GALNT13: variants seen among roughly 807,000 people sequenced by gnomAD.
GALNT13 encodes the protein UDP-GalNAc:polypeptide N-acetylgalactosaminyltransferase 13.
In GALNT13, 28 loss-of-function variants were observed where a neutral mutation model predicts 64.2. The observed-to-expected ratio is 0.44, with a 90% CI of 0.32 to 0.60. The LOEUF is 0.60. GALNT13 is among the 20% of genes least tolerant of loss of function. The pLI, the probability that GALNT13 is intolerant of heterozygous loss-of-function variation, is 0.05. For synonymous variants in GALNT13, 214 were observed against 224.6 expected (o/e 0.95, Z 0.42); for missense variants, 577 against 669.8 (o/e 0.86, Z 1.53).
chr2:153,804,369 G>A, the GALNT13 span, among the ~76,000 whole-genome samples: 1 of 152,098 alleles, frequency 6.6e-6, no homozygotes, highest in Non-Finnish European at 1.5e-5. Flanking sequence ...TAGAGATGGA[G>A]TCTCACTAGG....
chr2:154,055,792 G>A (rs1317489874), intron 3 of GALNT13, among the ~76,000 whole-genome samples: 1 of 152,068 alleles, frequency 6.6e-6, no homozygotes, highest in Non-Finnish European at 1.5e-5. Context: ...ATTCTCATTA[G>A]AAATATTGCA....
At chr2:154,225,583 G>A (rs546458468) in intron 4 of GALNT13, among the ~76,000 whole-genome samples, 54 of 152,190 alleles carry the variant, frequency 3.5e-4, no homozygotes, top group African/African-American at 1.2e-3. Context: ...AATAGATGAC[G>A]TAGGTACAGG....
At chr2:153,289,682 A>G in the GALNT13 span, among the ~76,000 whole-genome samples, 653 of 152,290 alleles carry the variant, frequency 4.3e-3, 4 homozygotes, top group Middle Eastern at 0.014. Flanking sequence ...AATCATTTGA[A>G]ATACAGACTA....
the GALNT13 span, among the ~76,000 whole-genome samples, chr2:153,463,807 T>C: frequency 4.5e-4 from 69 of 152,174 alleles, 1 homozygote; most frequent in Admixed American, 4.2e-3. Context: ...GAGCATGCGC[T>C]GTAATAGTTG....
upstream of GALNT13, among the ~76,000 whole-genome samples, chr2:153,867,928 C>T (rs1165449744): frequency 1.3e-5 from 2 of 152,126 alleles, no homozygotes; most frequent in African/African-American, 4.8e-5. Context: ...ACTGGCTCAC[C>T]CATCCCTCAT....
At chr2:153,343,159 T>C in the GALNT13 span, among the ~76,000 whole-genome samples, 2 of 152,190 alleles carry the variant, frequency 1.3e-5, no homozygotes, top group Non-Finnish European at 2.9e-5. Context: ...AGTTGCCTGC[T>C]GGTGCACCAT....
At chr2:153,250,275 T>C in the GALNT13 span, among the ~76,000 whole-genome samples, 2 of 151,992 alleles carry the variant, frequency 1.3e-5, no homozygotes, top group African/African-American at 4.8e-5. Flanking sequence ...CAACAAAATA[T>C]GGAAAAAAGC....
chr2:154,192,321 T>G (rs1276453238), intron 4 of GALNT13, among the ~76,000 whole-genome samples: 1 of 152,058 alleles, frequency 6.6e-6, no homozygotes, highest in Admixed American at 6.5e-5. Context: ...GGGTGAGAAA[T>G]CCAACATCTG....
chr2:154,319,147 G>T (rs1402719376), intron 9 of GALNT13, among the ~76,000 whole-genome samples: 2 of 152,156 alleles, frequency 1.3e-5, no homozygotes, highest in African/African-American at 4.8e-5. Context: ...AAACTTATCT[G>T]TGTAAAGTAT....
intron 3 of GALNT13, among the ~76,000 whole-genome samples, chr2:154,091,713 G>A (rs1460811851): frequency 6.6e-6 from 1 of 151,772 alleles, no homozygotes; most frequent in East Asian, 1.9e-4. Flanking sequence ...AAAAATGTTA[G>A]TAAACTGCTT....
At chr2:154,241,274 A>G (rs1311015856) in intron 4 of GALNT13, among the ~76,000 whole-genome samples, 1 of 152,126 alleles carries the variant, frequency 6.6e-6, no homozygotes, top group African/African-American at 2.4e-5. Context: ...GTCCTCACCC[A>G]GGGTCTGTAG....
At chr2:153,899,390 T>C (rs1002639157) in intron 1 of GALNT13, among the ~76,000 whole-genome samples, 3 of 152,216 alleles carry the variant, frequency 2.0e-5, no homozygotes, top group Admixed American at 6.6e-5. Flanking sequence ...TATAACTTTA[T>C]AATTGTATTG....
chr2:153,134,716 C>T, the GALNT13 span, among the ~76,000 whole-genome samples: 1 of 152,112 alleles, frequency 6.6e-6, no homozygotes, highest in East Asian at 1.9e-4. Flanking sequence ...CTTCAATATT[C>T]CCTCCAGGGA....
chr2:154,136,866 T>TA (rs1574575138), intron 3 of GALNT13, among the ~76,000 whole-genome samples: 1 of 152,124 alleles, frequency 6.6e-6, no homozygotes, highest in East Asian at 1.9e-4. Flanking sequence ...AAATCAACAA[T>TA]AAAAAAACCA....
At chr2:153,747,084 G>A in the GALNT13 span, among the ~76,000 whole-genome samples, 1 of 151,742 alleles carries the variant, frequency 6.6e-6, no homozygotes, top group East Asian at 1.9e-4. Flanking sequence ...ATCTTCGTGG[G>A]TTCATAGTAG....
At chr2:154,131,059 A>C (rs1343702971) in intron 3 of GALNT13, among the ~76,000 whole-genome samples, 5 of 152,214 alleles carry the variant, frequency 3.3e-5, no homozygotes, top group African/African-American at 1.2e-4. Flanking sequence ...TAAGGCCATT[A>C]CTGGAGCCAT....
At chr2:153,135,236 G>A in the GALNT13 span, among the ~76,000 whole-genome samples, 1 of 151,926 alleles carries the variant, frequency 6.6e-6, no homozygotes, top group Non-Finnish European at 1.5e-5. Context: ...ATTGTATTAG[G>A]GCTCTACCCT....
intron 9 of GALNT13, among the ~76,000 whole-genome samples, chr2:154,362,375 T>C (rs536177211): frequency 2.1e-4 from 32 of 152,022 alleles, no homozygotes; most frequent in Non-Finnish European, 3.5e-4. Context: ...ATTCTCAGAC[T>C]AAAGATTTGT....
At chr2:154,032,027 A>T (rs912951809) in intron 3 of GALNT13, among the ~76,000 whole-genome samples, 3 of 151,926 alleles carry the variant, frequency 2.0e-5, no homozygotes, top group Non-Finnish European at 4.4e-5. Context: ...ACAGAAAAAA[A>T]CTAAAATTCA....
Sources: gnomAD v4.1 joint callset for allele counts (sites outside exome capture counted in the v4.1 genomes callset) on GRCh38, gnomAD v4.1.1 for gene constraint, MANE v1.5 for transcripts, NCBI Gene and HGNC (gene_info 2026-07-23, HGNC 2026-07-21) for gene names.